TCF20: variants seen among roughly 807,000 people sequenced by gnomAD.
The protein encoded by TCF20 is transcription factor 20.
TCF20 carries 3 observed loss-of-function variants against 148.6 expected under a neutral mutation model. The ratio of observed to expected loss-of-function variants is 0.02; its 90% CI spans 0.01 to 0.05. TCF20 has a LOEUF of 0.05. Among genes scored for constraint, TCF20 ranks in the 10% least tolerant of loss-of-function variants. The pLI is 1.00. For synonymous variants in TCF20, 1,049 were observed against 909.5 expected, an observed-to-expected ratio of 1.15 and a Z score of -2.76; for missense variants, 2,350 against 2,429.3, an observed-to-expected ratio of 0.97 and a Z score of 0.69.
At chr22:42,288,703 G>A (rs1319496668), upstream of TCF20, among the ~76,000 whole-genome samples, 1 of 126,508 alleles carries the variant, frequency 7.9e-6, no homozygotes, top group East Asian at 2.4e-4. Context: ...CTGTATTTTT[G>A]AGACCCTGTA....
Position 42,212,119 on chromosome 22 carries a change from A to G in TCF20, c.3187T>C (p.Tyr1063His). ...SPNSETLASA[Y>H]HANTRAHAYG... ...GCATGAGCCCGAGTATTTGCATGAT[A>G]AGCAGAGGCCAGGGTTTCTGAGTTG... Residue 1063 changes from tyrosine (Y) to histidine (H), a missense_variant, in exon 2 of 6, where the codon TAT becomes CAT. Transcript: ENST00000677622. The G allele has an allele frequency of 6.2e-7, 1 of 1,614,186 alleles. No individual in the cohort carries two copies. The highest frequency in any genetic ancestry group is 8.5e-7 in the Non-Finnish European group (1 of 1,180,038).
chr22:42,191,652 T>G (rs775432320), intron 2 of TCF20, among the ~76,000 whole-genome samples: 3 of 152,218 alleles, frequency 2.0e-5, no homozygotes, highest in Non-Finnish European at 2.9e-5. Context: ...GAGGGTTTCT[T>G]TTATAGCCCC....
Position 42,212,193 on chromosome 22 carries a change from G to A in TCF20, c.3113C>T (p.Thr1038Ile). 6.2e-7 allele frequency: 1 copy of A among 1,614,224 alleles called. No homozygotes were observed. Among genetic ancestry groups the A allele is most frequent in the Non-Finnish European group, 8.5e-7 (1 of 1,180,030 alleles). The stretch of plus-strand genomic sequence containing the variant: ...ACTCCGGTTAGCCCTCTCTGAAAAG[G>A]TCATGTGTGGATTCATGTGATGAGG... ...GDPHHMNPHMTFSERANRSSL... is the reference protein window; with the variant it reads ...GDPHHMNPHMIFSERANRSSL... Residue 1038 changes from threonine to isoleucine, a missense_variant, in exon 2 of 6, where the codon ACC becomes ATC. Around this residue, in one of 7 missense-constraint regions of TCF20, gnomAD observed 1,641 missense variants for 1,662.6 expected, o/e 0.99. Coordinates refer to ENST00000677622, the MANE Select transcript of TCF20 (RefSeq NM_001378418.1).
intron 1 of TCF20, among the ~76,000 whole-genome samples, chr22:42,269,591 G>C (rs1926480056): frequency 6.6e-6 from 1 of 152,200 alleles, no homozygotes; most frequent in South Asian, 2.1e-4. Flanking sequence ...CCCCGAAAAA[G>C]GGACGAAAGC....
chr22:42,331,703 C>G (rs1368168702), intron 1 of TCF20, among the ~76,000 whole-genome samples: 1 of 152,386 alleles, frequency 6.6e-6, no homozygotes, highest in East Asian at 1.9e-4. Context: ...GGAAAGCACT[C>G]TGCCAGGCAC....
At chr22:42,171,930 G>A (rs1280650769) in intron 3 of TCF20, among the ~76,000 whole-genome samples, 8 of 152,222 alleles carry the variant, frequency 5.3e-5, no homozygotes, top group Non-Finnish European at 4.4e-5. Flanking sequence ...TTCCCTCACG[G>A]CCACAGAACA....
intron 1 of TCF20, among the ~76,000 whole-genome samples, chr22:42,261,393 G>A (rs1308994983): frequency 6.6e-6 from 1 of 152,122 alleles, no homozygotes; most frequent in Non-Finnish European, 1.5e-5. Flanking sequence ...AACTTTTTGA[G>A]AAACTGCCAG....
chr22:42,262,963 G>A (rs1026462994), intron 1 of TCF20, among the ~76,000 whole-genome samples: 10 of 152,152 alleles, frequency 6.6e-5, no homozygotes, highest in Non-Finnish European at 8.8e-5. Context: ...CCAGTCCAGT[G>A]TCTTAGTACA....
intron 1 of TCF20, chr22:42,343,339 C>T (rs1425223934): frequency 6.6e-6 from 1 of 152,176 alleles, no homozygotes; most frequent in Non-Finnish European, 1.5e-5. Context: ...CCTCACACCC[C>T]CGCGTCCTCG....
rs374010841 is a variant in TCF20, at chr22:42,279,303, G to A, written c.-37+4524C>T. Among the ~76,000 whole-genome samples the A allele has an allele frequency of 3.3e-5, 5 of 152,180 alleles. No homozygotes were observed. The highest frequency in any genetic ancestry group is 1.9e-4 in the East Asian group (1 of 5,172). On this transcript the variant is annotated intron_variant, in intron 1 of 5. Coordinates refer to the TCF20 transcript ENST00000359486. This position sits in a 1 kb window ranked among gnomAD's most constrained non-coding sequence, Gnocchi z 4.3. ...GCGGATCACCTGAGGTCAGGAGTTC[G>A]AAACCAGCCTGGCCAACATGGTGAA...
At chr22:42,223,282 A>G (rs1192101174) in intron 1 of TCF20, among the ~76,000 whole-genome samples, 2 of 152,248 alleles carry the variant, frequency 1.3e-5, no homozygotes, top group Admixed American at 1.3e-4. Context: ...CAAATTTTCC[A>G]AAAGTCACTC....
intron 1 of TCF20, among the ~76,000 whole-genome samples, chr22:42,267,863 AG>A (rs1451407947): frequency 6.6e-6 from 1 of 151,894 alleles, no homozygotes; most frequent in East Asian, 1.9e-4. Flanking sequence ...AAAGTGATCT[AG>A]CCCAGGCGCA....
chr22:42,288,123 G>C (rs1313336870), upstream of TCF20, among the ~76,000 whole-genome samples: 1 of 152,172 alleles, frequency 6.6e-6, no homozygotes, highest in Non-Finnish European at 1.5e-5. Flanking sequence ...GGCCTGGCGT[G>C]GTGGCTCACT....
intron 2 of TCF20, among the ~76,000 whole-genome samples, chr22:42,181,969 G>C (rs1350699502): frequency 6.6e-6 from 1 of 152,180 alleles, no homozygotes; most frequent in African/African-American, 2.4e-5. Context: ...GTGAGGATTA[G>C]ACAGTGGGAT....
At position 42,210,106 on chromosome 22, in the gene TCF20, G is replaced by C; in HGVS notation, c.5200C>G (p.Pro1734Ala). The C allele has an allele frequency of 2.5e-6, 4 of 1,614,058 alleles. No individual in the cohort carries two copies. Among genetic ancestry groups the C allele is most frequent in the Non-Finnish European group, 3.4e-6 (4 of 1,180,026 alleles). The change falls in exon 2 of 6, where the codon CCG (proline) becomes GCG (alanine). Residue 1734 changes from proline to alanine, a missense_variant. Physicochemically the swap from Pro to Ala is conservative, Grantham distance 27. Around this residue, in one of 7 missense-constraint regions of TCF20, gnomAD observed 374 missense variants for 398.3 expected, o/e 0.94. Coordinates refer to ENST00000677622, the MANE Select transcript of TCF20 (RefSeq NM_001378418.1). This position sits in a 1 kb window ranked among gnomAD's most constrained non-coding sequence, Gnocchi z 4.7. Reference sequence around the variant, plus strand: ...GCCCTCTTAGGAGGTGGATTCTTCGGGAGAGTGGCTGCATAATCTTGGGGA... The same window carrying C: ...GCCCTCTTAGGAGGTGGATTCTTCGCGAGAGTGGCTGCATAATCTTGGGGA... ...FYPQDYAATL[P>A]KNPPPKRATE... is the part of the protein sequence containing the mutation.
At chr22:42,269,429 C>T (rs1926469066) in intron 1 of TCF20, among the ~76,000 whole-genome samples, 1 of 152,184 alleles carries the variant, frequency 6.6e-6, no homozygotes, top group African/African-American at 2.4e-5. Flanking sequence ...AATAATCCCA[C>T]CCACAAGCAG....
chr22:42,183,925 C>T (rs372977070), intron 2 of TCF20, among the ~76,000 whole-genome samples: 15 of 152,056 alleles, frequency 9.9e-5, no homozygotes, highest in East Asian at 7.7e-4. Context: ...CCTGCCACCA[C>T]GCCCAGCTAA....
At chr22:42,308,404 G>A (rs1179975994) in intron 1 of TCF20, among the ~76,000 whole-genome samples, 1 of 152,162 alleles carries the variant, frequency 6.6e-6, no homozygotes, top group Non-Finnish European at 1.5e-5. Flanking sequence ...CTAGGTGCCA[G>A]GTAGTGTTCT....
At chr22:42,228,343 ACAG>A (rs1923095679) in intron 1 of TCF20, among the ~76,000 whole-genome samples, 1 of 152,232 alleles carries the variant, frequency 6.6e-6, no homozygotes, top group Admixed American at 6.5e-5. Flanking sequence ...ACAATGATAA[ACAG>A]CAGCAGCCAA....
Sources: allele counts gnomAD v4.1 joint callset (sites outside exome capture counted in the v4.1 genomes callset), GRCh38; gene constraint gnomAD v4.1.1; regional missense constraint gnomAD v4.1.1; non-coding constraint Gnocchi (gnomAD v3.1); transcripts MANE v1.5; gene names NCBI Gene and HGNC (gene_info 2026-07-23, HGNC 2026-07-21).